The following COL5A1 variants were observed in gnomAD, a reference collection of about 807,000 sequenced individuals.
The protein encoded by COL5A1 is collagen type V alpha 1 chain, also known as collagen alpha-1(V) chain.
COL5A1 carries 16 observed loss-of-function variants against 263.7 expected under a neutral mutation model. The ratio of observed to expected loss-of-function variants is 0.06; its 90% CI spans 0.04 to 0.09. COL5A1 has a LOEUF of 0.09. Among genes scored for constraint, COL5A1 ranks in the 10% least tolerant of loss-of-function variants. The pLI, the probability that COL5A1 is intolerant of heterozygous loss-of-function variation, is 1.00. For missense variants in COL5A1, 2,036 were observed against 2,540.5 expected, an observed-to-expected ratio of 0.80 and a Z score of 4.27; for synonymous variants, 1,012 against 1,004.5, an observed-to-expected ratio of 1.01 and a Z score of -0.14.
chr9:134,789,143 A>T lies in COL5A1; in HGVS notation c.2647-12A>T. 1.2e-6 allele frequency: 2 copies of T among 1,612,488 alleles called. No homozygotes were observed. The highest frequency in any genetic ancestry group is 1.7e-6 in the Non-Finnish European group (2 of 1,179,630). ...CCCAGCTCTGATGCCTCCTCCTTAA[A>T]CTCTCTTTCAGGGCTCTATTGGATT... is the stretch of plus-strand genomic sequence containing the variant. On this transcript the variant is annotated splice_polypyrimidine_tract_variant and intron_variant, in intron 31 of 65. Transcript: ENST00000371817. The surrounding 1 kb of genome is among the most constrained non-coding windows in gnomAD (Gnocchi z 4.8).
chr9:134,731,454 T>C (rs1480718197), intron 7 of COL5A1, 42 bp from the exon 8 acceptor site: 1 of 1,608,254 alleles, frequency 6.2e-7, no homozygotes. Flanking sequence ...CAGTGCCTGG[T>C]GCGTTTGCGA....
In COL5A1 at chr9:134,814,727, G is replaced by A; in HGVS notation, c.3907-70G>A. On this transcript the variant is annotated intron_variant, in intron 49 of 65. Coordinates refer to ENST00000371817, the MANE Select transcript of COL5A1 (RefSeq NM_000093.5). ...GGTCTGAATGGGGTGAGAAAACCGG[G>A]GAGGCCCACCTTGCTCTGGGCGGCG... 1.1e-5 allele frequency: 13 copies of A among 1,174,546 alleles called. No homozygotes were observed. In the South Asian group the frequency reaches 1.7e-4, roughly 15 times the overall value. 72.8% of individuals were successfully genotyped at this position (1,174,546 alleles called of 1,614,324 possible). A position where few individuals can be genotyped will look rare whatever the true frequency, so the allele number is the denominator to read the frequency against.
At position 134,670,265 on chromosome 9, in the gene COL5A1, C is replaced by G. The variant is rs566051827; in HGVS notation, c.110-20647C>G. ...TCTTTCTGATAAATCCTTTCTGTCT[C>G]TCTGATTATTTCCTTAGGGCGGATT... On this transcript the variant is annotated intron_variant, in intron 1 of 65. Transcript: ENST00000371817. Among the ~76,000 whole-genome samples the G allele has an allele frequency of 2.6e-5, 4 of 152,330 alleles. No homozygotes were observed. In the South Asian group the frequency reaches 6.2e-4, roughly 24 times the overall value.
At chr9:134,710,443 C>T (rs977491616) in intron 4 of COL5A1, among the ~76,000 whole-genome samples, 2 of 152,172 alleles carry the variant, frequency 1.3e-5, no homozygotes, top group Non-Finnish European at 2.9e-5. Context: ...CGAGACGCCC[C>T]GTCTGTTGGG....
At chr9:134,820,075 G>A in intron 57 of COL5A1, 41 bp from the exon 58 acceptor site, 4 of 1,494,186 alleles carry the variant, frequency 2.7e-6, no homozygotes, top group Middle Eastern at 1.7e-4. Context: ...CATGAGGCGT[G>A]GCTCCCTCAA....
rs527898400 is a variant in COL5A1, at chr9:134,696,887, G to A, written c.278-3022G>A. Among the ~76,000 whole-genome samples the A allele has an allele frequency of 1.1e-4, 17 of 152,142 alleles. No homozygotes were observed. The highest frequency in any genetic ancestry group is 2.1e-4 in the Non-Finnish European group (14 of 68,008). ...AGATCGAGACCATCCTGGCTAACAC[G>A]GTGAAACCCCATCCCTACTAAAAAT... On this transcript the variant is annotated intron_variant, in intron 2 of 65. Transcript: ENST00000371817. This position sits in a 1 kb window ranked among gnomAD's most constrained non-coding sequence, Gnocchi z 4.3.
At chr9:134,746,282 A>T (rs1835509828) in intron 11 of COL5A1, among the ~76,000 whole-genome samples, 1 of 152,168 alleles carries the variant, frequency 6.6e-6, no homozygotes, top group South Asian at 2.1e-4. Flanking sequence ...ACGCCTGCAC[A>T]CTGCCCTCCT....
In COL5A1 at chr9:134,676,900, C is replaced by T. The variant is rs117723035; in HGVS notation, c.110-14012C>T. On this transcript the variant is annotated intron_variant, in intron 1 of 65. Coordinates refer to ENST00000371817, the MANE Select transcript of COL5A1 (RefSeq NM_000093.5). ...CTTCCTCCTTCTTCCTTCCTTTGAG[C>T]GCTGTACCAAGCATCTGCTCTGAGC... Among the ~76,000 whole-genome samples, 987 of 152,294 alleles carry T rather than the reference C, an allele frequency of 6.5e-3. 6 individuals are homozygous for T. The highest frequency in any genetic ancestry group is 8.8e-3 in the Admixed American group (135 of 15,306).
At chr9:134,720,357 G>A (rs1215696861) in intron 4 of COL5A1, among the ~76,000 whole-genome samples, 2 of 152,294 alleles carry the variant, frequency 1.3e-5, no homozygotes, top group East Asian at 1.9e-4. Flanking sequence ...ACCTCCCGCC[G>A]GCCAGTGCCG....
At chr9:134,731,044 G>C (rs530102222) in intron 7 of COL5A1, among the ~76,000 whole-genome samples, 6 of 152,242 alleles carry the variant, frequency 3.9e-5, no homozygotes, top group South Asian at 2.1e-4. Flanking sequence ...TGGGGGCTGT[G>C]AAGTTTTCAG....
Position 134,842,372 on chromosome 9 carries a change from C to A in COL5A1, c.*69C>A. 6.3e-7 allele frequency: 1 copy of A among 1,576,654 alleles called. No individual in the cohort carries two copies. The highest frequency in any genetic ancestry group is 8.7e-7 in the Non-Finnish European group (1 of 1,154,052). ...GCATGCCATTCGTTCGTGAGTGTCC[C>A]GTGCACGTCCTGACCCTGGACAGTG... On this transcript the variant is annotated 3_prime_UTR_variant, in exon 66 of 66. Transcript: ENST00000371817. This position sits in a 1 kb window ranked among gnomAD's most constrained non-coding sequence, Gnocchi z 5.8.
At chr9:134,792,846 TGTGCGCACACGTGTGTGTGCGCGC>T (rs1216116840) in intron 32 of COL5A1, among the ~76,000 whole-genome samples, 1 of 150,836 alleles carries the variant, frequency 6.6e-6, no homozygotes, top group East Asian at 2.0e-4. Context: ...TGTATGTGTG[TGTGCGCACACGTGTGTGTGCGCGC>T]GTTTGTGCAC....
chr9:134,782,483 A>G (rs954722275), intron 28 of COL5A1, 184 bp from the exon 29 acceptor site: 2 of 700,104 alleles, frequency 2.9e-6, no homozygotes, highest in Non-Finnish European at 5.2e-6. Flanking sequence ...ACAGCTGGGA[A>G]CGCAGAGCTC....
intron 20 of COL5A1, among the ~76,000 whole-genome samples, chr9:134,764,213 A>G (rs962213314): frequency 3.3e-5 from 2 of 61,366 alleles, no homozygotes; most frequent in Admixed American, 2.2e-4. Context: ...AGAGCATTGT[A>G]GGGGGTCTAG....
At chr9:134,813,882 G>A in intron 48 of COL5A1, 101 bp from the exon 49 acceptor site, 2 of 1,336,862 alleles carry the variant, frequency 1.5e-6, no homozygotes, top group East Asian at 2.5e-5. Context: ...GTGCCCAGGG[G>A]CAGGCAGACA....
chr9:134,655,064 G>A (rs1831904980), intron 1 of COL5A1, among the ~76,000 whole-genome samples: 1 of 131,860 alleles, frequency 7.6e-6, no homozygotes, highest in Non-Finnish European at 1.7e-5. Flanking sequence ...GTGTAGGGCT[G>A]GAGGTGTGTA....
Position 134,805,061 on chromosome 9 carries a change from A to G in COL5A1, c.3201A>G (p.Pro1067=), listed in dbSNP as rs773094034. 13 of 1,613,820 alleles carry G rather than the reference A, an allele frequency of 8.1e-6. No homozygotes were observed. The South Asian group carries it at 9.9e-5, about 12-fold the overall frequency. Reference sequence around the variant, plus strand: ...CTGGGGACCGAGGGCTTCCTGGTCCAGTGGTGAGTGAGAGGCCAGGCGGGG... The same window carrying G: ...CTGGGGACCGAGGGCTTCCTGGTCCGGTGGTGAGTGAGAGGCCAGGCGGGG... ...GFPGDRGLPG[P]VGALGLKGNE... Residue 1067 remains proline (P), a synonymous_variant, in exon 40 of 66, where the codon CCA becomes CCG. Transcript: ENST00000371817.
At chr9:134,692,760 C>T (rs183991043) in intron 2 of COL5A1, among the ~76,000 whole-genome samples, 34 of 152,258 alleles carry the variant, frequency 2.2e-4, no homozygotes, top group African/African-American at 7.5e-4. Context: ...CTCAGGAATA[C>T]GGGCTAATTA....
chr9:134,706,031 C>T (rs1473638912), intron 4 of COL5A1, among the ~76,000 whole-genome samples: 1 of 152,254 alleles, frequency 6.6e-6, no homozygotes, highest in African/African-American at 2.4e-5. Context: ...CCCTGTCCTC[C>T]TCCCCTGGCA....
Sources: gnomAD v4.1 joint callset for allele counts (sites outside exome capture counted in the v4.1 genomes callset) on GRCh38, gnomAD v4.1.1 for gene constraint, Gnocchi (gnomAD v3.1) non-coding constraint, MANE v1.5 for transcripts, NCBI Gene and HGNC (gene_info 2026-07-23, HGNC 2026-07-21) for gene names.